The following IGSF3 variants were observed in gnomAD, a reference collection of about 807,000 sequenced individuals.
IGSF3 encodes the protein glu-Trp-Ile EWI motif-containing protein 3.
A neutral mutation model predicts 114.4 loss-of-function variants in IGSF3; 23 were observed. The ratio of observed to expected loss-of-function variants is 0.20; its 90% CI spans 0.14 to 0.28. The LOEUF (loss-of-function observed/expected upper bound fraction) is 0.28. Among genes scored for constraint, IGSF3 ranks in the 10% least tolerant of loss-of-function variants. The pLI is 1.00. For synonymous variants in IGSF3, 571 were observed against 645.2 expected (o/e 0.88, Z 1.74); for missense variants, 1,172 against 1,591.5 (o/e 0.74, Z 4.48).
At chr1:116,591,082 C>T (rs536454463) in intron 7 of IGSF3, among the ~76,000 whole-genome samples, 3,862 of 151,196 alleles carry the variant, frequency 0.026, 159 homozygotes, top group African/African-American at 0.089. Flanking sequence ...GTTAGCAAGT[C>T]CAATCTTCTG....
intron 2 of IGSF3, among the ~76,000 whole-genome samples, chr1:116,637,175 C>T (rs1328349922): frequency 1.3e-5 from 2 of 152,162 alleles, no homozygotes; most frequent in South Asian, 2.1e-4. Flanking sequence ...GCTTGACTCC[C>T]CTGTGCCTGT....
intron 2 of IGSF3, among the ~76,000 whole-genome samples, chr1:116,617,750 C>A (rs1419893942): frequency 1.6e-4 from 24 of 152,222 alleles, no homozygotes; most frequent in Admixed American, 1.1e-3. Context: ...CACAATCAGT[C>A]CTCAATAAAG....
chr1:116,579,984 A>T lies in IGSF3; in HGVS notation c.2849-107T>A. 9.7e-7 allele frequency: 1 copy of T among 1,029,552 alleles called. No homozygotes were observed. Among genetic ancestry groups the T allele is most frequent in the Non-Finnish European group, 1.4e-6 (1 of 726,472 alleles). 63.8% of individuals were successfully genotyped at this position (1,029,552 alleles called of 1,614,324 possible). A position where few individuals can be genotyped will look rare whatever the true frequency, so the allele number is the denominator to read the frequency against. The stretch of plus-strand genomic sequence containing the variant: ...ACATGATAGTAACATCCATACTATA[A>T]GATATTATGCACCTATTGAAAAGGC... On this transcript the variant is annotated intron_variant, in intron 9 of 10. Transcript: ENST00000369486. The surrounding 1 kb of genome is among the most constrained non-coding windows in gnomAD (Gnocchi z 6.4).
chr1:116,623,553 G>GCA (rs1661482554), intron 2 of IGSF3, among the ~76,000 whole-genome samples: 1 of 152,094 alleles, frequency 6.6e-6, no homozygotes, highest in Admixed American at 6.5e-5. Context: ...GGGTGTGATG[G>GCA]CACACGCTAT....
At position 116,577,941 on chromosome 1, in the gene IGSF3, A is replaced by C. The variant is rs114737404; in HGVS notation, c.3335-379T>G. Among the ~76,000 whole-genome samples the C allele has an allele frequency of 6.6e-6, 1 of 152,118 alleles. No individual in the cohort carries two copies. Among genetic ancestry groups the C allele is most frequent in the Non-Finnish European group, 1.5e-5 (1 of 68,026 alleles). On this transcript the variant is annotated intron_variant, in intron 10 of 10. Transcript: ENST00000369486. The surrounding 1 kb of genome is among the most constrained non-coding windows in gnomAD (Gnocchi z 5.7). ...GGTTGGATTTTACATGCCCCTTTGC[A>C]CTTAGTTCTGCTACAGACTTCCTTC...
At chr1:116,621,228 C>T (rs1250928237) in intron 2 of IGSF3, among the ~76,000 whole-genome samples, 2 of 152,134 alleles carry the variant, frequency 1.3e-5, no homozygotes, top group Non-Finnish European at 2.9e-5. Flanking sequence ...CCCCAGAAGC[C>T]GAGCAGATGC....
Position 116,575,936 on chromosome 1 carries a change from A to G in IGSF3, c.*1376T>C, listed in dbSNP as rs45496501. The G allele has an allele frequency of 4.5e-3, 686 of 152,382 alleles. 4 individuals carry two copies. The highest frequency in any genetic ancestry group is 7.9e-3 in the Admixed American group (121 of 15,302). 9.4% of individuals were successfully genotyped at this position (152,382 alleles called of 1,614,324 possible). ...AAGAAAGGGAAAGGAAAAATCCCAC[A>G]GACAATGCCTTGTGATCACAGTCTG... is the stretch of plus-strand genomic sequence containing the variant. On this transcript the variant is annotated 3_prime_UTR_variant, in exon 11 of 11. Coordinates refer to ENST00000369486, the MANE Select transcript of IGSF3 (RefSeq NM_001007237.3). This position sits in a 1 kb window ranked among gnomAD's most constrained non-coding sequence, Gnocchi z 5.6.
chr1:116,599,409 C>T (rs993002813), intron 7 of IGSF3, among the ~76,000 whole-genome samples: 4 of 151,960 alleles, frequency 2.6e-5, no homozygotes, highest in African/African-American at 9.7e-5. Context: ...CACACACACA[C>T]ACACACACAC....
Position 116,584,693 on chromosome 1 carries a change from G to A in IGSF3, c.2800C>T (p.Arg934Trp), listed in dbSNP as rs774101250. The change falls in exon 9 of 11, where the codon CGG (arginine) becomes TGG (tryptophan). Residue 934 changes from arginine to tryptophan, a missense_variant. Coordinates refer to ENST00000369486, the MANE Select transcript of IGSF3 (RefSeq NM_001007237.3). This position sits in a 1 kb window ranked among gnomAD's most constrained non-coding sequence, Gnocchi z 5.8. The stretch of plus-strand genomic sequence containing the variant: ...GTCTGCCCAGCGGTGTCCTCTGCCC[G>A]CTTATACCACATGCCACTGGGGCTG... ...LPSPSGMWYK[R>W]AEDTAGQTAL... 5.0e-6 allele frequency: 8 copies of A among 1,613,770 alleles called. No homozygotes were observed. The highest frequency in any genetic ancestry group is 2.2e-5 in the East Asian group (1 of 44,890).
chr1:116,655,212 G>A lies in IGSF3; in HGVS notation c.43+11072C>T, dbSNP rs1241903981. 2.0e-5 allele frequency among the ~76,000 whole-genome samples: 3 copies of A among 152,162 alleles called. No individual in the cohort carries two copies. Among genetic ancestry groups the A allele is most frequent in the East Asian group, 3.8e-4 (2 of 5,198 alleles). ...CAATGAATGCTTGTAGCAGGCACTC[G>A]GTTATTTGTTGAATGAACTTCTTGG... On this transcript the variant is annotated intron_variant, in intron 2 of 10. Coordinates refer to ENST00000369486, the MANE Select transcript of IGSF3 (RefSeq NM_001007237.3). This position sits in a 1 kb window ranked among gnomAD's most constrained non-coding sequence, Gnocchi z 4.3.
Position 116,649,727 on chromosome 1 carries a change from C to G in IGSF3, c.43+16557G>C, listed in dbSNP as rs1340236207. On this transcript the variant is annotated intron_variant, in intron 2 of 10. Transcript: ENST00000369486. This position sits in a 1 kb window ranked among gnomAD's most constrained non-coding sequence, Gnocchi z 4.5. ...TGGTACCCAGCTACTTAATCCTTAT[C>G]CTTCTTCCCAAGGCCCACTTTCATT... 1.3e-5 allele frequency among the ~76,000 whole-genome samples: 2 copies of G among 152,232 alleles called. No individual in the cohort carries two copies. The highest frequency in any genetic ancestry group is 4.8e-5 in the African/African-American group (2 of 41,468).
At position 116,665,618 on chromosome 1, in the gene IGSF3, C is replaced by T. The variant is rs1649297377; in HGVS notation, c.43+666G>A. Among the ~76,000 whole-genome samples, 1 of 152,216 alleles carries T rather than the reference C, an allele frequency of 6.6e-6. No individual in the cohort carries two copies. The highest frequency in any genetic ancestry group is 1.5e-5 in the Non-Finnish European group (1 of 68,042). On this transcript the variant is annotated intron_variant, in intron 2 of 10. Coordinates refer to ENST00000369486, the MANE Select transcript of IGSF3 (RefSeq NM_001007237.3). The surrounding 1 kb of genome is among the most constrained non-coding windows in gnomAD (Gnocchi z 4.0). ...TCAGGGCCATAGTTTCTTCTTCCCA[C>T]TCTAGGCATTCTGATTTGTGGGAGC...
At position 116,583,267 on chromosome 1, in the gene IGSF3, T is replaced by C. The variant is rs1476404346; in HGVS notation, c.2848+1378A>G. 6.6e-6 allele frequency among the ~76,000 whole-genome samples: 1 copy of C among 151,924 alleles called. No individual in the cohort carries two copies. Among genetic ancestry groups the C allele is most frequent in the African/African-American group, 2.4e-5 (1 of 41,330 alleles). On this transcript the variant is annotated intron_variant, in intron 9 of 10. Coordinates refer to ENST00000369486, the MANE Select transcript of IGSF3 (RefSeq NM_001007237.3). The surrounding 1 kb of genome is among the most constrained non-coding windows in gnomAD (Gnocchi z 4.5). Reference sequence around the variant, plus strand: ...GCAGAATGGGAGGGAGTTGAGGGAGTGGGGGCACTCAGCTGCCATTCTCTA... The same window carrying C: ...GCAGAATGGGAGGGAGTTGAGGGAGCGGGGGCACTCAGCTGCCATTCTCTA...
intron 2 of IGSF3, among the ~76,000 whole-genome samples, chr1:116,656,778 A>C (rs1194915888): frequency 6.6e-6 from 1 of 151,972 alleles, no homozygotes; most frequent in Non-Finnish European, 1.5e-5. Flanking sequence ...AAATACAAAA[A>C]TTAGCCGGGC....
At position 116,600,449 on chromosome 1, in the gene IGSF3, G is replaced by A; in HGVS notation, c.1625-104C>T. On this transcript the variant is annotated intron_variant, in intron 6 of 10. Transcript: ENST00000369486. This position sits in a 1 kb window ranked among gnomAD's most constrained non-coding sequence, Gnocchi z 5.5. ...CTGGCAAAGCAAGCAGTGTGGGACA[G>A]AGGCTCTCGGAGCCCCTTTTGAGCT... The A allele has an allele frequency of 1.1e-6, 1 of 886,126 alleles. No individual in the cohort carries two copies. Among genetic ancestry groups the A allele is most frequent in the Non-Finnish European group, 1.7e-6 (1 of 579,622 alleles). The allele number at this position is 886,126 out of a possible 1,614,324, so 54.9% of individuals were successfully genotyped here. A position where few individuals can be genotyped will look rare whatever the true frequency, so the allele number is the denominator to read the frequency against.
chr1:116,621,064 C>T (rs1288282076), intron 2 of IGSF3, among the ~76,000 whole-genome samples: 1 of 152,124 alleles, frequency 6.6e-6, no homozygotes, highest in Non-Finnish European at 1.5e-5. Context: ...TAGCTTCACC[C>T]TTTTGGTGCT....
intron 2 of IGSF3, among the ~76,000 whole-genome samples, chr1:116,645,477 AC>A (rs1648323444): frequency 1.3e-5 from 2 of 152,234 alleles, no homozygotes; most frequent in Admixed American, 6.5e-5. Context: ...CATATTTTAA[AC>A]TGGTGAGTTC....
chr1:116,592,177 C>T lies in IGSF3; in HGVS notation c.2030-3073G>A, dbSNP rs1442300729. Among the ~76,000 whole-genome samples the T allele has an allele frequency of 6.6e-6, 1 of 152,188 alleles. No homozygotes were observed. The highest frequency in any genetic ancestry group is 1.5e-5 in the Non-Finnish European group (1 of 68,040). ...CAGACCCAGTAAGTCAGAATCTGCA[C>T]TTTAACAAGATCCCCAGGTGATTCA... On this transcript the variant is annotated intron_variant, in intron 7 of 10. Coordinates refer to ENST00000369486, the MANE Select transcript of IGSF3 (RefSeq NM_001007237.3). This position sits in a 1 kb window ranked among gnomAD's most constrained non-coding sequence, Gnocchi z 4.5.
At chr1:116,658,874 A>C (rs1174135004) in intron 2 of IGSF3, among the ~76,000 whole-genome samples, 1 of 152,114 alleles carries the variant, frequency 6.6e-6, no homozygotes, top group Non-Finnish European at 1.5e-5. Context: ...TTGCAAATTG[A>C]TTGACTGTTT....
Sources: allele counts gnomAD v4.1 joint callset (sites outside exome capture counted in the v4.1 genomes callset), GRCh38; gene constraint gnomAD v4.1.1; non-coding constraint Gnocchi (gnomAD v3.1); transcripts MANE v1.5; gene names NCBI Gene and HGNC (gene_info 2026-07-23, HGNC 2026-07-21).